Variants in MVB12A observed in about 807,000 individuals in gnomAD.
The protein encoded by MVB12A is multivesicular body subunit 12A.
In MVB12A, 30 loss-of-function variants were observed where a neutral mutation model predicts 34.3. The observed-to-expected ratio is 0.88, with a 90% CI of 0.65 to 1.19. MVB12A has a LOEUF of 1.19. MVB12A is among the 50% of genes most tolerant of loss of function. MVB12A has a pLI of 0.00. For synonymous variants in MVB12A, 158 were observed against 158.9 expected (o/e 0.99, Z 0.04); for missense variants, 355 against 369.2 (o/e 0.96, Z 0.31).
Position 17,409,359 on chromosome 19 carries a change from G to A in MVB12A, c.-5+3063G>A, listed in dbSNP as rs755200365. Among the ~76,000 whole-genome samples, 12 of 150,988 alleles carry A rather than the reference G, an allele frequency of 7.9e-5. 1 individual carries two copies. Among genetic ancestry groups the A allele is most frequent in the Non-Finnish European group, 1.3e-4 (9 of 67,878 alleles). ...TTGGCCAGGCTGGTCTCGAACTCCC[G>A]ACCTCAAGGGATCCACCCGACTTGG... is the stretch of plus-strand genomic sequence containing the variant. On this transcript the variant is annotated intron_variant, in intron 2 of 6. Transcript: ENST00000528604.
At chr19:17,420,660 T>C (rs755321856) in intron 3 of MVB12A, 26 bp downstream of exon 3, 11 of 1,533,446 alleles carry the variant, frequency 7.2e-6, no homozygotes, top group Non-Finnish European at 6.3e-6. Flanking sequence ...GAGGCGAGAG[T>C]TGTCCGGGTC....
In MVB12A at chr19:17,423,695, A is replaced by AG; in HGVS notation, c.539dup (p.Gly181ArgfsTer21). 2 of 1,613,782 alleles carry AG rather than the reference A, an allele frequency of 1.2e-6. No homozygotes were observed. The highest frequency in any genetic ancestry group is 1.7e-6 in the Non-Finnish European group (2 of 1,179,872). Reference sequence around the variant, plus strand: ...AACCTGAGTCATCCCACCTCCAGTAAGGGCGGCCTCCTGGAGCGGACAGCG... The same window carrying AG: ...AACCTGAGTCATCCCACCTCCAGTAAGGGGCGGCCTCCTGGAGCGGACAGCG... On this transcript the variant is annotated frameshift_variant, in exon 6 of 9. Coordinates refer to ENST00000317040, the MANE Select transcript of MVB12A (RefSeq NM_138401.4). LOFTEE classifies it high-confidence loss of function.
chr19:17,407,963 G>A (rs965766546), intron 2 of MVB12A, among the ~76,000 whole-genome samples: 7 of 152,222 alleles, frequency 4.6e-5, no homozygotes, highest in African/African-American at 1.2e-4. Context: ...GGCCCTGTCC[G>A]GGCATAACAG....
chr19:17,424,848 C>T, intron 8 of MVB12A, 83 bp from the exon 9 acceptor site: 1 of 1,194,348 alleles, frequency 8.4e-7, no homozygotes, highest in Non-Finnish European at 1.2e-6. Context: ...CCTAAGTACC[C>T]ACTCTGCCAT....
intron 7 of MVB12A, 133 bp from the exon 8 acceptor site, chr19:17,424,488 G>T: frequency 1.0e-6 from 1 of 969,772 alleles, no homozygotes; most frequent in African/African-American, 1.7e-5. Context: ...AAACAAACAA[G>T]AAAAATAAGG....
At chr19:17,420,456 C>T (rs745596354) in intron 2 of MVB12A, 45 bp downstream of exon 2, 1 of 1,601,398 alleles carries the variant, frequency 6.2e-7, no homozygotes, top group South Asian at 1.1e-5. Flanking sequence ...TGCCCACCTC[C>T]CCTGCCCATT....
intron 2 of MVB12A, among the ~76,000 whole-genome samples, chr19:17,410,535 C>CATATAT (rs1341441437): frequency 1.8e-4 from 12 of 65,292 alleles, no homozygotes; most frequent in Middle Eastern, 8.8e-3. Context: ...TATATACACA[C>CATATAT]ACACATATAT....
At chr19:17,408,956 G>A (rs2074746343) in intron 2 of MVB12A, among the ~76,000 whole-genome samples, 1 of 149,624 alleles carries the variant, frequency 6.7e-6, no homozygotes. Context: ...AGCCTCCTGA[G>A]TAGCTGGGAC....
intron 2 of MVB12A, among the ~76,000 whole-genome samples, chr19:17,406,909 A>AGGAG (rs2074732543): frequency 6.6e-6 from 1 of 152,172 alleles, no homozygotes; most frequent in Non-Finnish European, 1.5e-5. Flanking sequence ...TTGTCCCAGG[A>AGGAG]GGAGGGACCT....
chr19:17,416,942 CT>C, upstream of MVB12A: 1 of 205,492 alleles, frequency 4.9e-6, no homozygotes, highest in Non-Finnish European at 1.0e-5. Context: ...CTCCACCCGC[CT>C]TGGCCTCCCA....
rs750137513 is a variant in MVB12A, at chr19:17,424,029, C to T, written c.664C>T (p.Leu222Phe). The T allele has an allele frequency of 5.0e-6, 8 of 1,614,164 alleles. No individual in the cohort carries two copies. The highest frequency in any genetic ancestry group is 6.8e-6 in the Non-Finnish European group (8 of 1,180,034). The change falls in exon 7 of 9, where the codon CTC (leucine) becomes TTC (phenylalanine). Residue 222 changes from leucine (L) to phenylalanine (F), a missense_variant. Coordinates refer to ENST00000317040, the MANE Select transcript of MVB12A (RefSeq NM_138401.4). Reference protein sequence around the residue: ...ISAMDGVPFTLHPRFEGKSCS... With the variant: ...ISAMDGVPFTFHPRFEGKSCS... ...AGCCATGGATGGGGTTCCCTTCACA[C>T]TCCACCCACGATTTGAGGGCAAGAG...
At chr19:17,408,241 C>T (rs1220674516) in intron 2 of MVB12A, among the ~76,000 whole-genome samples, 1 of 151,870 alleles carries the variant, frequency 6.6e-6, no homozygotes, top group East Asian at 1.9e-4. Flanking sequence ...GGCTTGCCGC[C>T]CACAATTACA....
At chr19:17,417,784 GC>G, upstream of MVB12A, 1 of 258,118 alleles carries the variant, frequency 3.9e-6, no homozygotes. Flanking sequence ...ATCCGCCTTT[GC>G]CATTTCATCA....
intron 2 of MVB12A, among the ~76,000 whole-genome samples, chr19:17,407,869 G>A (rs1599597227): frequency 6.6e-6 from 1 of 152,156 alleles, no homozygotes; most frequent in Admixed American, 6.5e-5. Context: ...GACACTTTTC[G>A]CTACCGCTAG....
intron 3 of MVB12A, 82 bp downstream of exon 3, chr19:17,420,716 T>G (rs2074833516): frequency 3.1e-5 from 31 of 991,496 alleles, no homozygotes; most frequent in Non-Finnish European, 4.9e-5. Context: ...GCGCGCGGTA[T>G]CTGAGCCTCG....
chr19:17,424,473 A>G (rs2074857645), intron 7 of MVB12A, 148 bp from the exon 8 acceptor site: 3 of 900,582 alleles, frequency 3.3e-6, no homozygotes, highest in Non-Finnish European at 5.1e-6. Context: ...TCTAAAAACA[A>G]AACAAAACAA....
At chr19:17,418,550 G>A (rs1386561198), upstream of MVB12A, among the ~76,000 whole-genome samples, 8 of 151,234 alleles carry the variant, frequency 5.3e-5, no homozygotes, top group East Asian at 1.6e-3. Flanking sequence ...GCACCACCAC[G>A]CCTGGATAGT....
upstream of MVB12A, chr19:17,419,963 A>C: frequency 4.9e-6 from 2 of 404,738 alleles, no homozygotes; most frequent in Non-Finnish European, 4.3e-6. Flanking sequence ...TCCCCACGCC[A>C]TTGGCCAGCA....
upstream of MVB12A, chr19:17,420,020 C>CCA (rs2074826333): frequency 1.9e-5 from 7 of 362,898 alleles, no homozygotes; most frequent in South Asian, 9.7e-5. Context: ...TCTCCGCCCC[C>CCA]CCCCCCCGCA....
Sources: gnomAD v4.1 joint callset for allele counts (sites outside exome capture counted in the v4.1 genomes callset) on GRCh38, gnomAD v4.1.1 for gene constraint, MANE v1.5 for transcripts, NCBI Gene and HGNC (gene_info 2026-07-23, HGNC 2026-07-21) for gene names.